The following YY1AP1 variants were observed in gnomAD, a reference collection of about 807,000 sequenced individuals.
YY1AP1 encodes YY1 associated protein 1, also known as YY1-associated protein 1.
In YY1AP1, 43 loss-of-function variants were observed where a neutral mutation model predicts 39.9. The observed-to-expected ratio is 1.08, with a 90% confidence interval of 0.84 to 1.39. YY1AP1 has a LOEUF of 1.39. YY1AP1 is among the 40% of genes most tolerant of loss of function. The pLI, the probability that YY1AP1 is intolerant of heterozygous loss-of-function variation, is 0.00. For missense variants in YY1AP1, 813 were observed against 900.7 expected (o/e 0.90, Z 1.25); for synonymous variants, 292 against 331.3 (o/e 0.88, Z 1.29).
At chr1:155,675,557 C>T (rs1650523072) in intron 5 of YY1AP1, among the ~76,000 whole-genome samples, 1 of 152,034 alleles carries the variant, frequency 6.6e-6, no homozygotes, top group Non-Finnish European at 1.5e-5. Flanking sequence ...AACTCCTGAC[C>T]TCATGATTCA....
chr1:155,666,700 T>TAA (rs545069816), intron 9 of YY1AP1, among the ~76,000 whole-genome samples: 6 of 144,618 alleles, frequency 4.1e-5, no homozygotes, highest in Admixed American at 3.5e-4. Flanking sequence ...ACCCCATCCC[T>TAA]AAAAAAAAAA....
rs901183726 is a variant in YY1AP1 at position 155,663,654 on chromosome 1, G to A, written c.880-2231C>T. 8.5e-5 allele frequency among the ~76,000 whole-genome samples: 13 copies of A among 152,180 alleles called. No homozygotes were observed. The Middle Eastern group carries it at 0.014, about 159-fold the overall frequency. On this transcript the variant is annotated intron_variant, in intron 9 of 10. Transcript: ENST00000355499. ...CAATTGCTTGAACCTGGGAGGCAGA[G>A]GTTCCAGTGAGCCAAGATCACGCCA...
At position 155,673,519 on chromosome 1, in the gene YY1AP1, A is replaced by G. The variant is rs192903308; in HGVS notation, c.412-788T>C. Reference sequence around the variant, plus strand: ...GAGAGTATTATCATTACCTGTCCAAAAGTTTGAGGCAATTTTTATGAGGTA... The same window carrying G: ...GAGAGTATTATCATTACCTGTCCAAGAGTTTGAGGCAATTTTTATGAGGTA... On this transcript the variant is annotated intron_variant, in intron 6 of 10. Transcript: ENST00000355499. Among the ~76,000 whole-genome samples, 152 of 152,082 alleles carry G rather than the reference A, an allele frequency of 1.0e-3. 1 individual carries two copies. Among genetic ancestry groups the G allele is most frequent in the Middle Eastern group, 6.8e-3 (2 of 294 alleles).
Position 155,660,346 on chromosome 1 carries a change from G to GA in YY1AP1, c.1563dup (p.Arg522SerfsTer51). On this transcript the variant is annotated frameshift_variant, in exon 11 of 11. Coordinates refer to ENST00000355499, the MANE Select transcript of YY1AP1 (RefSeq NM_139119.3). LOFTEE classifies it low-confidence loss of function (END_TRUNC). Reference sequence around the variant, plus strand: ...GGTCTCCGTCTCACATATGGCTTTCGAAACATGGAAGAGGCAGGGGAGGGC... The same window carrying GA: ...GGTCTCCGTCTCACATATGGCTTTCGAAAACATGGAAGAGGCAGGGGAGGGC... The GA allele has an allele frequency of 6.2e-7, 1 of 1,614,142 alleles. No individual in the cohort carries two copies. Among genetic ancestry groups the GA allele is most frequent in the African/African-American group, 1.3e-5 (1 of 75,026 alleles).
chr1:155,662,074 C>T (rs990778793), intron 9 of YY1AP1, among the ~76,000 whole-genome samples: 4 of 152,116 alleles, frequency 2.6e-5, no homozygotes, highest in Admixed American at 6.5e-5. Flanking sequence ...TTTGTTCCTG[C>T]TCAACAGCTG....
chr1:155,669,362 C>T (rs553771147), intron 8 of YY1AP1, among the ~76,000 whole-genome samples: 1 of 152,256 alleles, frequency 6.6e-6, no homozygotes, highest in Non-Finnish European at 1.5e-5. Flanking sequence ...ACAACTAATT[C>T]TTGTAGTGAC....
At chr1:155,674,919 C>A (rs999797443) in intron 6 of YY1AP1, 91 bp downstream of exon 6, 18 of 1,207,580 alleles carry the variant, frequency 1.5e-5, no homozygotes, top group Non-Finnish European at 2.0e-5. Context: ...CCACAGCAAT[C>A]AAAAATACCT....
chr1:155,684,919 T>C (rs559640151), intron 2 of YY1AP1, among the ~76,000 whole-genome samples: 1 of 152,294 alleles, frequency 6.6e-6, no homozygotes, highest in African/African-American at 2.4e-5. Flanking sequence ...CAGTAATTAT[T>C]TTTAAGTTCC....
chr1:155,673,901 C>T (rs535558389), intron 6 of YY1AP1, among the ~76,000 whole-genome samples: 3 of 152,092 alleles, frequency 2.0e-5, no homozygotes, highest in African/African-American at 7.2e-5. Context: ...GTGGCTCACG[C>T]CTGTAATCCC....
At chr1:155,663,876 C>A (rs1022201299) in intron 9 of YY1AP1, among the ~76,000 whole-genome samples, 1 of 151,928 alleles carries the variant, frequency 6.6e-6, no homozygotes, top group Non-Finnish European at 1.5e-5. Context: ...ACAGGTGTTA[C>A]ACAAAGACTC....
At chr1:155,688,488 G>C in intron 1 of YY1AP1, 171 bp downstream of exon 1, 3 of 1,549,290 alleles carry the variant, frequency 1.9e-6, no homozygotes, top group Non-Finnish European at 2.6e-6. Flanking sequence ...CAGCCCGCAC[G>C]CGTACGAGTG....
At chr1:155,661,606 T>C (rs945249665) in intron 9 of YY1AP1, among the ~76,000 whole-genome samples, 183 bp from the exon 10 acceptor site, 6 of 152,040 alleles carry the variant, frequency 3.9e-5, no homozygotes, top group Admixed American at 3.9e-4. Flanking sequence ...ATATGCTGAA[T>C]ACTTGTACAT....
rs202142609 is a variant in YY1AP1 at position 155,660,353 on chromosome 1, G to A, written c.1557C>T (p.Ser519=). The part of the protein sequence containing the change: ...PKVMMPSPAS[S]MFRKPYVRRR... ...GTCTCACATATGGCTTTCGAAACATGGAAGAGGCAGGGGAGGGCATCATTA... is the reference window on the plus strand; with the variant it reads ...GTCTCACATATGGCTTTCGAAACATAGAAGAGGCAGGGGAGGGCATCATTA... The change falls in exon 11 of 11, where the codon TCC becomes TCT. Residue 519 remains serine (S), a synonymous_variant. Coordinates refer to ENST00000355499, the MANE Select transcript of YY1AP1 (RefSeq NM_139119.3). The A allele has an allele frequency of 3.1e-6, 5 of 1,614,050 alleles. 1 individual carries two copies. The South Asian group carries it at 3.3e-5, about 11-fold the overall frequency.
At chr1:155,680,509 G>C in intron 2 of YY1AP1, 53 bp from the exon 3 acceptor site, 1 of 1,464,990 alleles carries the variant, frequency 6.8e-7, no homozygotes, top group South Asian at 1.1e-5. Context: ...TTACAATATG[G>C]AGGAATTCCA....
intron 2 of YY1AP1, among the ~76,000 whole-genome samples, chr1:155,686,268 C>T (rs935340473): frequency 5.3e-5 from 8 of 151,530 alleles, no homozygotes; most frequent in Non-Finnish European, 1.0e-4. Flanking sequence ...ATCTCCTGAC[C>T]TCGTGATTCG....
intron 5 of YY1AP1, among the ~76,000 whole-genome samples, chr1:155,675,599 C>T (rs576708718): frequency 6.6e-6 from 1 of 152,152 alleles, no homozygotes; most frequent in Non-Finnish European, 1.5e-5. Flanking sequence ...GCTGGGATTA[C>T]AGGTGTGAGC....
chr1:155,674,921 A>G, intron 6 of YY1AP1, 89 bp downstream of exon 6: 4 of 1,237,228 alleles, frequency 3.2e-6, no homozygotes, highest in Non-Finnish European at 4.7e-6. Context: ...ACAGCAATCA[A>G]AAATACCTGA....
At chr1:155,667,903 A>AATACATACATAC (rs57719884) in intron 9 of YY1AP1, among the ~76,000 whole-genome samples, 1 of 150,324 alleles carries the variant, frequency 6.7e-6, no homozygotes, top group Non-Finnish European at 1.5e-5. Context: ...ACTCCATCTC[A>AATACATACATAC]ATACATACAT....
At chr1:155,674,965 AT>A in intron 6 of YY1AP1, 44 bp downstream of exon 6, 2 of 1,542,948 alleles carry the variant, frequency 1.3e-6, no homozygotes, top group South Asian at 2.2e-5. Context: ...TGCCAAGCTA[AT>A]TTTATATTCT....
Sources: gnomAD v4.1 joint callset for allele counts (sites outside exome capture counted in the v4.1 genomes callset) on GRCh38, gnomAD v4.1.1 for gene constraint, MANE v1.5 for transcripts, NCBI Gene and HGNC (gene_info 2026-07-23, HGNC 2026-07-21) for gene names.